The following GPRC5A variants were observed in gnomAD, a reference collection of about 807,000 sequenced individuals.
GPRC5A encodes G protein-coupled receptor class C group 5 member A, also known as retinoic acid-induced protein 3.
In GPRC5A, 19 loss-of-function variants were observed where a neutral mutation model predicts 22.5. That is an observed-to-expected ratio of 0.85 (90% CI 0.59 to 1.24). The LOEUF (loss-of-function observed/expected upper bound fraction) is 1.24. Among genes scored for constraint, GPRC5A ranks in the 50% most tolerant of loss-of-function variants. The pLI is 0.00. For synonymous variants in GPRC5A, 192 were observed against 184.5 expected, an observed-to-expected ratio of 1.04 and a Z score of -0.33; for missense variants, 471 against 451.1, an observed-to-expected ratio of 1.04 and a Z score of -0.40.
rs1864077390 is a variant in GPRC5A at position 12,917,394 on chromosome 12, G to C, written c.*4855G>C. The C allele has an allele frequency of 6.6e-6, 1 of 152,084 alleles. No homozygotes were observed. Among genetic ancestry groups the C allele is most frequent in the African/African-American group, 2.4e-5 (1 of 41,418 alleles). 9.4% of individuals were successfully genotyped at this position (152,084 alleles called of 1,614,324 possible). ...AAATCCTCTAGTTGGTGCCTCCACA[G>C]TCTTCATTTTACAGAGGAACTCAGG... On this transcript the variant is annotated 3_prime_UTR_variant, in exon 4 of 4. Transcript: ENST00000014914.
intron 1 of GPRC5A, among the ~76,000 whole-genome samples, chr12:12,900,914 C>CAAAAAAAAACA (rs1863879650): frequency 1.8e-4 from 16 of 89,748 alleles, no homozygotes; most frequent in African/African-American, 7.4e-4. Context: ...AAAAAAAAAA[C>CAAAAAAAAACA]AAAAAAAAAA....
Position 12,908,961 on chromosome 12 carries a change from C to T in GPRC5A, c.712C>T (p.Arg238Cys), listed in dbSNP as rs141878247. 2.9e-5 allele frequency: 46 copies of T among 1,613,974 alleles called. 1 individual carries two copies. The highest frequency in any genetic ancestry group is 3.3e-4 in the Middle Eastern group (2 of 6,084). The change falls in exon 2 of 4, where the codon CGC (arginine) becomes TGC (cysteine). Residue 238 changes from arginine to cysteine, a missense_variant. By Grantham distance (180) the Arg-to-Cys change is radical. Transcript: ENST00000014914. ...CCTGCTCATGCTTCCTGACTTTGAC[C>T]GCAGGTGGGATGACACCATCCTCAG... The part of the protein sequence containing the change: ...ITLLMLPDFD[R>C]RWDDTILSSA...
At chr12:12,897,770 G>T (rs1350070684) in intron 1 of GPRC5A, among the ~76,000 whole-genome samples, 1 of 151,862 alleles carries the variant, frequency 6.6e-6, no homozygotes, top group Non-Finnish European at 1.5e-5. Flanking sequence ...CACCATGCCT[G>T]GTTCATTTTT....
In GPRC5A at chr12:12,908,445, C is replaced by A. The variant is rs766454722; in HGVS notation, c.196C>A (p.Pro66Thr). The change falls in exon 2 of 4, where the codon CCT becomes ACT. Residue 66 changes from proline to threonine, a missense_variant. Transcript: ENST00000014914. ...GGACTCCAACAGGCGAAAAATGCTGCCTACTCAGTTTCTCTTCCTCCTGGG... is the reference window on the plus strand; with the variant it reads ...GGACTCCAACAGGCGAAAAATGCTGACTACTCAGTTTCTCTTCCTCCTGGG... ...VQDSNRRKMLPTQFLFLLGVL... is the reference protein window; with the variant it reads ...VQDSNRRKMLTTQFLFLLGVL... 6.2e-7 allele frequency: 1 copy of A among 1,613,868 alleles called. No individual in the cohort carries two copies.
In GPRC5A at chr12:12,893,034, T is replaced by G. The variant is rs112945802; in HGVS notation, c.-8+1370T>G. ...GAAACAAGGGACCTCTCCAAGGGCG[T>G]GGAGAGGTGAGTGCCTCAAGGGCAG... On this transcript the variant is annotated intron_variant, in intron 1 of 3. Transcript: ENST00000014914. 3.2e-3 allele frequency among the ~76,000 whole-genome samples: 485 copies of G among 152,132 alleles called. 3 individuals are homozygous for G. Among genetic ancestry groups the G allele is most frequent in the African/African-American group, 0.011 (451 of 41,506 alleles).
At chr12:12,900,659 A>G (rs898319115) in intron 1 of GPRC5A, among the ~76,000 whole-genome samples, 6 of 152,070 alleles carry the variant, frequency 3.9e-5, no homozygotes, top group Admixed American at 3.9e-4. Context: ...GCACTTTGGG[A>G]GGCCGAGGCG....
chr12:12,897,226 T>TCAA (rs1863830815), intron 1 of GPRC5A, among the ~76,000 whole-genome samples: 1 of 39,646 alleles, frequency 2.5e-5, no homozygotes, highest in African/African-American at 8.7e-5. Context: ...AGACCCTGTC[T>TCAA]TAAAAAAAAA....
Position 12,893,673 on chromosome 12 carries a change from A to G in GPRC5A, c.-8+2009A>G, listed in dbSNP as rs1245658279. 3.9e-5 allele frequency among the ~76,000 whole-genome samples: 6 copies of G among 152,230 alleles called. No homozygotes were observed. In the East Asian group the frequency reaches 5.8e-4, roughly 15 times the overall value. Reference sequence around the variant, plus strand: ...ATTAAGCAATCATAATAGAGTAGAGATGGCAAACTATGGTCCATGGACCAA... The same window carrying G: ...ATTAAGCAATCATAATAGAGTAGAGGTGGCAAACTATGGTCCATGGACCAA... On this transcript the variant is annotated intron_variant, in intron 1 of 3. Transcript: ENST00000014914.
intron 1 of GPRC5A, among the ~76,000 whole-genome samples, chr12:12,906,308 C>A (rs991553191): frequency 5.3e-5 from 8 of 152,234 alleles, no homozygotes; most frequent in Admixed American, 5.2e-4. Context: ...GGTGACTCAA[C>A]ACCTATAATC....
rs950419220 is a variant in GPRC5A at position 12,897,082 on chromosome 12, C to T, written c.-8+5418C>T. Among the ~76,000 whole-genome samples the T allele has an allele frequency of 7.9e-5, 12 of 151,832 alleles. 1 individual carries two copies. Among genetic ancestry groups the T allele is most frequent in the Non-Finnish European group, 1.5e-5 (1 of 67,980 alleles). ...CGTCTACTAAAAATATAATAATTAG[C>T]TGGATGTGGTGGCGCATGCTTGTAA... On this transcript the variant is annotated intron_variant, in intron 1 of 3. Transcript: ENST00000014914.
intron 1 of GPRC5A, among the ~76,000 whole-genome samples, chr12:12,898,449 T>C (rs1863846177): frequency 1.3e-5 from 2 of 152,018 alleles, no homozygotes; most frequent in African/African-American, 4.8e-5. Flanking sequence ...GAGGATCACC[T>C]GAGCCCAGGA....
chr12:12,898,090 C>T (rs577585211), intron 1 of GPRC5A, among the ~76,000 whole-genome samples: 2 of 152,286 alleles, frequency 1.3e-5, no homozygotes, highest in Admixed American at 1.3e-4. Context: ...ACCCATATGC[C>T]CACGGTGCAG....
At position 12,908,950 on chromosome 12, in the gene GPRC5A, C is replaced by T. The variant is rs774713683; in HGVS notation, c.701C>T (p.Pro234Leu). 3 of 1,614,178 alleles carry T rather than the reference C, an allele frequency of 1.9e-6. No homozygotes were observed. Among genetic ancestry groups the T allele is most frequent in the Non-Finnish European group, 2.5e-6 (3 of 1,180,012 alleles). Residue 234 changes from proline (P) to leucine (L), a missense_variant, in exon 2 of 4, where the codon CCT becomes CTT. Pro to Leu is a moderately conservative substitution (Grantham distance 98). Coordinates refer to ENST00000014914, the MANE Select transcript of GPRC5A (RefSeq NM_003979.4). ...WVAWITLLML[P>L]DFDRRWDDTI... is the part of the protein sequence containing the mutation. ...GCCTGGATCACCCTGCTCATGCTTC[C>T]TGACTTTGACCGCAGGTGGGATGAC...
chr12:12,908,696 T>C lies in GPRC5A; in HGVS notation c.447T>C (p.Ala149=). 1.2e-6 allele frequency: 2 copies of C among 1,614,084 alleles called. No individual in the cohort carries two copies. Among genetic ancestry groups the C allele is most frequent in the Non-Finnish European group, 1.7e-6 (2 of 1,179,896 alleles). The change falls in exon 2 of 4, where the codon GCT becomes GCC. Residue 149 remains alanine (A), a synonymous_variant. Transcript: ENST00000014914. ...VGFSLVQDVI[A]IEYIVLTMNR... is the part of the protein sequence containing the mutation. ...TCAGCCTAGTCCAGGATGTTATCGC[T>C]ATTGAATATATTGTCCTGACCATGA...
rs1864076092 is a variant in GPRC5A at position 12,917,288 on chromosome 12, T to G, written c.*4749T>G. 1 of 151,560 alleles carries G rather than the reference T, an allele frequency of 6.6e-6. No individual in the cohort carries two copies. The highest frequency in any genetic ancestry group is 1.5e-5 in the Non-Finnish European group (1 of 68,208). The allele number at this position is 151,560 out of a possible 1,614,324, so 9.4% of individuals were successfully genotyped here. Reference sequence around the variant, plus strand: ...TGTATGTGCGCCTGACCCTGATTTCTGCAACCTCCAGATTTCTTTCTTGAC... The same window carrying G: ...TGTATGTGCGCCTGACCCTGATTTCGGCAACCTCCAGATTTCTTTCTTGAC... On this transcript the variant is annotated 3_prime_UTR_variant, in exon 4 of 4. Coordinates refer to ENST00000014914, the MANE Select transcript of GPRC5A (RefSeq NM_003979.4).
intron 1 of GPRC5A, among the ~76,000 whole-genome samples, chr12:12,906,734 C>T (rs559524914): frequency 1.4e-4 from 21 of 152,048 alleles, no homozygotes; most frequent in Non-Finnish European, 2.1e-4. Context: ...CATAACTTTT[C>T]GGAATTAGTG....
chr12:12,893,907 G>T (rs1017948893), intron 1 of GPRC5A, among the ~76,000 whole-genome samples: 1 of 152,030 alleles, frequency 6.6e-6, no homozygotes, highest in Admixed American at 6.6e-5. Flanking sequence ...GATTACAGGC[G>T]CCCGCTACCA....
rs1565466151 is a variant in GPRC5A at position 12,912,762 on chromosome 12, TCATC to T, written c.*225_*228del. On this transcript the variant is annotated 3_prime_UTR_variant, in exon 4 of 4. Transcript: ENST00000014914. ...GCTGTAGTATTTTTTTTTTTTTGTC[TCATC>T]CTTTGGATACTTCTTTTAAGTGGGA... The T allele has an allele frequency of 6.0e-4, 298 of 497,542 alleles. No homozygotes were observed. The highest frequency in any genetic ancestry group is 5.5e-3 in the African/African-American group (275 of 49,700). 30.8% of individuals were successfully genotyped at this position (497,542 alleles called of 1,614,324 possible). A position where few individuals can be genotyped will look rare whatever the true frequency, so the allele number is the denominator to read the frequency against.
intron 1 of GPRC5A, among the ~76,000 whole-genome samples, chr12:12,902,754 G>A (rs1383316659): frequency 6.6e-6 from 1 of 151,574 alleles, no homozygotes; most frequent in African/African-American, 2.4e-5. Context: ...CTGGGTGACA[G>A]AGTGAGAATC....
Sources: allele counts gnomAD v4.1 joint callset (sites outside exome capture counted in the v4.1 genomes callset), GRCh38; gene constraint gnomAD v4.1.1; transcripts MANE v1.5; gene names NCBI Gene and HGNC (gene_info 2026-07-23, HGNC 2026-07-21).